The following NR1H4 variants were observed in gnomAD, a reference collection of about 807,000 sequenced individuals.
NR1H4 encodes the protein bile acid receptor.
Under a neutral mutation model 58.5 loss-of-function variants are expected in NR1H4, and 23 were observed. The observed-to-expected ratio is 0.39, with a 90% CI of 0.28 to 0.56. The LOEUF (loss-of-function observed/expected upper bound fraction) is 0.56. Among genes scored for constraint, NR1H4 ranks in the 20% least tolerant of loss-of-function variants. The pLI, the probability that NR1H4 is intolerant of heterozygous loss-of-function variation, is 0.58. For missense variants in NR1H4, 487 were observed against 576.9 expected (o/e 0.84, Z 1.60); for synonymous variants, 214 against 198.0 (o/e 1.08, Z -0.68).
At chr12:100,556,837 T>C (rs1250279080) in intron 9 of NR1H4, among the ~76,000 whole-genome samples, 5 of 152,210 alleles carry the variant, frequency 3.3e-5, no homozygotes, top group African/African-American at 1.2e-4. Flanking sequence ...TTGTACAGAA[T>C]CAAATTCGTT....
intron 3 of NR1H4, among the ~76,000 whole-genome samples, chr12:100,510,324 C>T (rs1284196436): frequency 6.6e-6 from 1 of 152,072 alleles, no homozygotes; most frequent in Non-Finnish European, 1.5e-5. Flanking sequence ...GTTTCCCCAA[C>T]AGTGTGTATT....
intron 3 of NR1H4, among the ~76,000 whole-genome samples, chr12:100,498,455 G>A (rs764643445): frequency 3.9e-5 from 6 of 152,014 alleles, no homozygotes; most frequent in Admixed American, 1.3e-4. Flanking sequence ...ACTGGCTAAC[G>A]TGGTGAAACC....
At chr12:100,505,509 A>G in intron 3 of NR1H4, 1 of 673,288 alleles carries the variant, frequency 1.5e-6, no homozygotes, top group Non-Finnish European at 2.7e-6. Flanking sequence ...CTCAGATGGC[A>G]CTCCTTTAGA....
chr12:100,544,314 A>G (rs899707366), intron 9 of NR1H4, among the ~76,000 whole-genome samples: 1 of 152,032 alleles, frequency 6.6e-6, no homozygotes, highest in African/African-American at 2.4e-5. Flanking sequence ...CTAATAAAAT[A>G]AAAAGGAATG....
At chr12:100,521,276 G>T (rs1279189562) in intron 4 of NR1H4, among the ~76,000 whole-genome samples, 1 of 152,166 alleles carries the variant, frequency 6.6e-6, no homozygotes, top group Non-Finnish European at 1.5e-5. Context: ...TGAGAGAAAT[G>T]ATGGTTTTCA....
intron 3 of NR1H4, chr12:100,505,574 G>A: frequency 1.4e-6 from 1 of 700,918 alleles, no homozygotes. Flanking sequence ...TTTCTTTTCA[G>A]GGCTTCTCAG....
intron 9 of NR1H4, among the ~76,000 whole-genome samples, chr12:100,558,040 T>TTTTTTG (rs1278263242): frequency 2.0e-5 from 3 of 152,060 alleles, no homozygotes; most frequent in African/African-American, 4.8e-5. Context: ...GAAGTCTGTT[T>TTTTTTG]TTTTTGTTTT....
intron 1 of NR1H4, among the ~76,000 whole-genome samples, chr12:100,482,957 C>T (rs1953413051): frequency 6.6e-6 from 1 of 152,042 alleles, no homozygotes. Context: ...GACAGAGTGT[C>T]ACTCTGTCAC....
chr12:100,547,614 G>A (rs1400965094), intron 9 of NR1H4, among the ~76,000 whole-genome samples: 1 of 152,084 alleles, frequency 6.6e-6, no homozygotes, highest in Non-Finnish European at 1.5e-5. Context: ...TACACCTTGG[G>A]GCTCCCATGA....
chr12:100,527,361 C>T (rs1170948297), intron 4 of NR1H4, among the ~76,000 whole-genome samples: 1 of 152,050 alleles, frequency 6.6e-6, no homozygotes, highest in East Asian at 1.9e-4. Flanking sequence ...GACTCAGTCT[C>T]TATAAAAAAT....
chr12:100,563,070 T>A (rs1034926652), intron 10 of NR1H4, among the ~76,000 whole-genome samples, 181 bp from the exon 11 acceptor site: 1 of 152,210 alleles, frequency 6.6e-6, no homozygotes, highest in Non-Finnish European at 1.5e-5. Flanking sequence ...ATGTGTTGTA[T>A]CTTGATCTCG....
Position 100,528,173 on chromosome 12 carries a change from A to T in NR1H4, c.446-4285A>T, listed in dbSNP as rs537268855. On this transcript the variant is annotated intron_variant, in intron 4 of 10. Transcript: ENST00000392986. Reference sequence around the variant, plus strand: ...TGGCCTACTACCAGTGGCTATCAGTATCAGTCACTGGAGTCTGGCACGTGC... The same window carrying T: ...TGGCCTACTACCAGTGGCTATCAGTTTCAGTCACTGGAGTCTGGCACGTGC... 1.2e-4 allele frequency among the ~76,000 whole-genome samples: 18 copies of T among 152,364 alleles called. No individual in the cohort carries two copies. The East Asian group carries it at 3.3e-3, about 28-fold the overall frequency.
intron 4 of NR1H4, among the ~76,000 whole-genome samples, chr12:100,526,401 A>C (rs2136212471): frequency 6.6e-6 from 1 of 152,280 alleles, no homozygotes; most frequent in South Asian, 2.1e-4. Flanking sequence ...TTCTTTAAGT[A>C]GTCACCTCTA....
intron 9 of NR1H4, among the ~76,000 whole-genome samples, chr12:100,560,449 C>G (rs2136321919): frequency 6.6e-6 from 1 of 152,250 alleles, no homozygotes; most frequent in African/African-American, 2.4e-5. Flanking sequence ...AGCGAGACCA[C>G]GAGCCCACCA....
At chr12:100,561,836 C>G in intron 9 of NR1H4, 49 bp from the exon 10 acceptor site, 1 of 812,596 alleles carries the variant, frequency 1.2e-6, no homozygotes, top group Non-Finnish European at 2.2e-6. Context: ...TAGTTTTACA[C>G]TGTTTAGTCA....
chr12:100,484,257 T>C (rs925097534), intron 1 of NR1H4, among the ~76,000 whole-genome samples: 2 of 152,178 alleles, frequency 1.3e-5, no homozygotes, highest in Non-Finnish European at 2.9e-5. Context: ...AGCACTAAGA[T>C]TCCTCTAAAT....
chr12:100,478,681 G>C (rs1282440526), intron 1 of NR1H4, among the ~76,000 whole-genome samples: 2 of 152,124 alleles, frequency 1.3e-5, no homozygotes, highest in African/African-American at 4.8e-5. Flanking sequence ...CCATTCCACT[G>C]TTGATGGTTT....
chr12:100,533,920 C>T (rs953482760), intron 5 of NR1H4, among the ~76,000 whole-genome samples: 5 of 146,918 alleles, frequency 3.4e-5, no homozygotes, highest in South Asian at 2.1e-4. Flanking sequence ...GACGGAGTCT[C>T]GCTCTGTCGC....
At chr12:100,476,061 G>C (rs998653096) in intron 1 of NR1H4, among the ~76,000 whole-genome samples, 2 of 152,090 alleles carry the variant, frequency 1.3e-5, no homozygotes, top group Non-Finnish European at 1.5e-5. Flanking sequence ...TCATTTTACA[G>C]ATGAGAAAAC....
Sources: allele counts gnomAD v4.1 joint callset (sites outside exome capture counted in the v4.1 genomes callset), GRCh38; gene constraint gnomAD v4.1.1; transcripts MANE v1.5; gene names NCBI Gene and HGNC (gene_info 2026-07-23, HGNC 2026-07-21).